Variants in CCDC166 observed in about 807,000 individuals in gnomAD.
The protein encoded by CCDC166 is coiled-coil domain containing 166.
A neutral mutation model predicts 14.4 loss-of-function variants in CCDC166; 17 were observed. That is an observed-to-expected ratio of 1.18 (90% CI 0.81 to 1.77). The LOEUF (loss-of-function observed/expected upper bound fraction) is 1.77. CCDC166 is among the 40% of genes most tolerant of loss of function. CCDC166 has a pLI of 0.00. For missense variants in CCDC166, 738 were observed against 665.8 expected (o/e 1.11, Z -1.19); for synonymous variants, 336 against 330.1 (o/e 1.02, Z -0.20).
Position 143,707,246 on chromosome 8 carries a change from G to A in CCDC166, c.768C>T (p.His256=), listed in dbSNP as rs1418257958. The A allele has an allele frequency of 3.2e-5, 46 of 1,445,806 alleles. No homozygotes were observed. Among genetic ancestry groups the A allele is most frequent in the Non-Finnish European group, 4.1e-5 (45 of 1,104,046 alleles). The allele number at this position is 1,445,806 out of a possible 1,614,324, so 89.6% of individuals were successfully genotyped here. Residue 256 remains histidine, a synonymous_variant, in exon 2 of 2, where the codon CAC becomes CAT. Transcript: ENST00000542437. This position sits in a 1 kb window ranked among gnomAD's most constrained non-coding sequence, Gnocchi z 8.0. ...GGTCCCGCGTGTCCTCGTGCTCGCG[G>A]TGCAGTTGCTCGCGCTGTTCCAGCA... ...RQLLEQREQL[H]REHEDTRDLA...
In CCDC166 at chr8:143,707,089, G is replaced by A; in HGVS notation, c.925C>T (p.Gln309Ter). ...APISPSRAAS[Q>*]TPSVVPSRAA... Reference sequence around the variant, plus strand: ...CGCGACGGTACCACAGACGGGGTCTGGGAGGCCGCGCGCGACGGGCTTATG... The same window carrying A: ...CGCGACGGTACCACAGACGGGGTCTAGGAGGCCGCGCGCGACGGGCTTATG... Residue 309 changes from glutamine (Q) to a stop codon, truncating the protein, a stop_gained, in exon 2 of 2, where the codon CAG becomes TAG. Coordinates refer to ENST00000542437, the MANE Select transcript of CCDC166 (RefSeq NM_001162914.1). LOFTEE classifies it low-confidence loss of function (END_TRUNC). This position sits in a 1 kb window ranked among gnomAD's most constrained non-coding sequence, Gnocchi z 8.0. The A allele has an allele frequency of 4.6e-6, 7 of 1,524,690 alleles. No homozygotes were observed. The highest frequency in any genetic ancestry group is 4.4e-6 in the Non-Finnish European group (5 of 1,142,560). The allele number at this position is 1,524,690 out of a possible 1,614,324, so 94.4% of individuals were successfully genotyped here. A position where few individuals can be genotyped will look rare whatever the true frequency, so the allele number is the denominator to read the frequency against.
chr8:143,707,541 A>T lies in CCDC166; in HGVS notation c.473T>A (p.Ile158Asn). ...KVLQLEQLAR[I>N]RALERELLHM... Reference sequence around the variant, plus strand: ...CAGCAGCTCGCGCTCCAGCGCCCGGATCCGGGCCAGCTGCTCCAGCTGCAG... The same window carrying T: ...CAGCAGCTCGCGCTCCAGCGCCCGGTTCCGGGCCAGCTGCTCCAGCTGCAG... The change falls in exon 2 of 2, where the codon ATC becomes AAC. Residue 158 changes from isoleucine to asparagine, a missense_variant. By Grantham distance (149) the Ile-to-Asn change is moderately radical. Coordinates refer to ENST00000542437, the MANE Select transcript of CCDC166 (RefSeq NM_001162914.1). The surrounding 1 kb of genome is among the most constrained non-coding windows in gnomAD (Gnocchi z 8.0). The T allele has an allele frequency of 7.4e-7, 1 of 1,359,026 alleles. No homozygotes were observed. The highest frequency in any genetic ancestry group is 9.4e-7 in the Non-Finnish European group (1 of 1,059,470). The allele number at this position is 1,359,026 out of a possible 1,614,324, so 84.2% of individuals were successfully genotyped here.
rs1053883373 is a variant in CCDC166 at position 143,706,755 on chromosome 8, G to C, written c.1259C>G (p.Pro420Arg). The C allele has an allele frequency of 2.2e-5, 34 of 1,550,786 alleles. No individual in the cohort carries two copies. Among genetic ancestry groups the C allele is most frequent in the Middle Eastern group, 1.7e-4 (1 of 5,990 alleles). The part of the protein sequence containing the change: ...SRDRDPALLP[P>R]QSEDSVNAEA... ...AGCGTTCACGCTGTCCTCCGACTGTGGGGGGAGAAGAGCCGGATCCCGATC... is the reference window on the plus strand; with the variant it reads ...AGCGTTCACGCTGTCCTCCGACTGTCGGGGGAGAAGAGCCGGATCCCGATC... Residue 420 changes from proline (P) to arginine (R), a missense_variant, in exon 2 of 2, where the codon CCA becomes CGA. Transcript: ENST00000542437.
chr8:143,707,271 A>G lies in CCDC166; in HGVS notation c.743T>C (p.Leu248Pro). The G allele has an allele frequency of 2.1e-6, 3 of 1,450,838 alleles. No individual in the cohort carries two copies. The highest frequency in any genetic ancestry group is 2.6e-5 in the Admixed American group (1 of 37,864). 89.9% of individuals were successfully genotyped at this position (1,450,838 alleles called of 1,614,324 possible). Residue 248 changes from leucine to proline, a missense_variant, in exon 2 of 2, where the codon CTG becomes CCG. Transcript: ENST00000542437. This position sits in a 1 kb window ranked among gnomAD's most constrained non-coding sequence, Gnocchi z 8.0. ...GTGCAGTTGCTCGCGCTGTTCCAGC[A>G]GCTGGCGCCGCGTGTGGTGCAGCAG... is the stretch of plus-strand genomic sequence containing the variant. Reference protein sequence around the residue: ...TQLLHHTRRQLLEQREQLHRE... With the variant: ...TQLLHHTRRQPLEQREQLHRE...
chr8:143,707,620 A>C lies in CCDC166; in HGVS notation c.444+46T>G, dbSNP rs1554616862. ...CCCCCACCCCGCCCCCGGCCCGGCCACCAGCCCCGCCCCGCCTCACCCCGG... is the reference window on the plus strand; with the variant it reads ...CCCCCACCCCGCCCCCGGCCCGGCCCCCAGCCCCGCCCCGCCTCACCCCGG... On this transcript the variant is annotated intron_variant, in intron 1 of 1. Coordinates refer to ENST00000542437, the MANE Select transcript of CCDC166 (RefSeq NM_001162914.1). The surrounding 1 kb of genome is among the most constrained non-coding windows in gnomAD (Gnocchi z 8.0). 3 of 1,328,752 alleles carry C rather than the reference A, an allele frequency of 2.3e-6. No homozygotes were observed. The highest frequency in any genetic ancestry group is 2.9e-6 in the Non-Finnish European group (3 of 1,043,064). 82.3% of individuals were successfully genotyped at this position (1,328,752 alleles called of 1,614,324 possible). A position where few individuals can be genotyped will look rare whatever the true frequency, so the allele number is the denominator to read the frequency against.
In CCDC166 at chr8:143,707,446, A is replaced by G; in HGVS notation, c.568T>C (p.Phe190Leu). Residue 190 changes from phenylalanine to leucine, a missense_variant, in exon 2 of 2, where the codon TTC becomes CTC. Phe to Leu is a conservative substitution (Grantham distance 22). Transcript: ENST00000542437. This position sits in a 1 kb window ranked among gnomAD's most constrained non-coding sequence, Gnocchi z 8.0. ...ACGCGCTGACGCGCCTCGCGCTCGA[A>G]GGCCGCCTTGTCCTCCAGGAAGCGC... is the stretch of plus-strand genomic sequence containing the variant. ...KRRFLEDKAA[F>L]EREARQRVQS... is the part of the protein sequence containing the mutation. The G allele has an allele frequency of 6.8e-7, 1 of 1,476,020 alleles. No individual in the cohort carries two copies. Among genetic ancestry groups the G allele is most frequent in the East Asian group, 2.9e-5 (1 of 33,934 alleles). The allele number at this position is 1,476,020 out of a possible 1,614,324, so 91.4% of individuals were successfully genotyped here. A position where few individuals can be genotyped will look rare whatever the true frequency, so the allele number is the denominator to read the frequency against.
Position 143,707,006 on chromosome 8 carries a change from C to T in CCDC166, c.1008G>A (p.Ser336=), listed in dbSNP as rs937767594. The T allele has an allele frequency of 1.3e-6, 2 of 1,538,076 alleles. No homozygotes were observed. Among genetic ancestry groups the T allele is most frequent in the Non-Finnish European group, 1.7e-6 (2 of 1,146,808 alleles). ...VPSREASRVP[S]LVLSSMDSRV... ...TGGAGTCCATGCTCGATAGCACCAACGAGGGGACCCGGGAAGCCTCGCGCG... is the reference window on the plus strand; with the variant it reads ...TGGAGTCCATGCTCGATAGCACCAATGAGGGGACCCGGGAAGCCTCGCGCG... Residue 336 remains serine, a synonymous_variant, in exon 2 of 2, where the codon TCG becomes TCA. Transcript: ENST00000542437. This position sits in a 1 kb window ranked among gnomAD's most constrained non-coding sequence, Gnocchi z 8.0.
chr8:143,707,489 C>G lies in CCDC166; in HGVS notation c.525G>C (p.Leu175=). Reference sequence around the variant, plus strand: ...GGAAGCGCCGCTTCACGCGGTGGAGCAGCTGCGTGTGCTCCACGCGCATAT... The same window carrying G: ...GGAAGCGCCGCTTCACGCGGTGGAGGAGCTGCGTGTGCTCCACGCGCATAT... The part of the protein sequence containing the change: ...LLHMRVEHTQ[L]LHRVKRRFLE... The change falls in exon 2 of 2, where the codon CTG becomes CTC. Residue 175 remains leucine, a synonymous_variant. Coordinates refer to ENST00000542437, the MANE Select transcript of CCDC166 (RefSeq NM_001162914.1). The surrounding 1 kb of genome is among the most constrained non-coding windows in gnomAD (Gnocchi z 8.0). 1 of 1,463,510 alleles carries G rather than the reference C, an allele frequency of 6.8e-7. No homozygotes were observed. The highest frequency in any genetic ancestry group is 9.0e-7 in the Non-Finnish European group (1 of 1,116,250). The allele number at this position is 1,463,510 out of a possible 1,614,324, so 90.7% of individuals were successfully genotyped here.
At position 143,707,941 on chromosome 8, in the gene CCDC166, G is replaced by A; in HGVS notation, c.169C>T (p.Arg57Ter). The change falls in exon 1 of 2, where the codon CGA becomes TGA. Residue 57 changes from arginine (R) to a stop codon, truncating the protein, a stop_gained. Coordinates refer to ENST00000542437, the MANE Select transcript of CCDC166 (RefSeq NM_001162914.1). LOFTEE classifies it high-confidence loss of function. The surrounding 1 kb of genome is among the most constrained non-coding windows in gnomAD (Gnocchi z 8.0). The stretch of plus-strand genomic sequence containing the variant: ...TCGCGGTCCAGGAAGGCGTTCTCTC[G>A]CAGCACCTGGTCAACGCTCTCCTCG... The part of the protein sequence containing the change: ...TCEESVDQVL[R>*]ENAFLDREAL... The A allele has an allele frequency of 1.3e-6, 2 of 1,537,350 alleles. No individual in the cohort carries two copies. The highest frequency in any genetic ancestry group is 2.4e-5 in the South Asian group (2 of 84,048).
Position 143,706,912 on chromosome 8 carries a change from A to G in CCDC166, c.1102T>C (p.Ser368Pro). The G allele has an allele frequency of 1.3e-6, 2 of 1,550,082 alleles. No individual in the cohort carries two copies. The highest frequency in any genetic ancestry group is 1.7e-6 in the Non-Finnish European group (2 of 1,146,872). Reference sequence around the variant, plus strand: ...GACTGCACCAGCGACAGGGCCCGGGAGCCTGCGCGCGAAGCGGTCAGGGAT... The same window carrying G: ...GACTGCACCAGCGACAGGGCCCGGGGGCCTGCGCGCGAAGCGGTCAGGGAT... ...MPSLTASRAGSRALSLVQSLE... is the reference protein window; with the variant it reads ...MPSLTASRAGPRALSLVQSLE... The change falls in exon 2 of 2, where the codon TCC becomes CCC. Residue 368 changes from serine to proline, a missense_variant. Coordinates refer to ENST00000542437, the MANE Select transcript of CCDC166 (RefSeq NM_001162914.1).
Position 143,707,913 on chromosome 8 carries a change from G to A in CCDC166, c.197C>T (p.Ala66Val). The A allele has an allele frequency of 6.5e-7, 1 of 1,537,592 alleles. No homozygotes were observed. The highest frequency in any genetic ancestry group is 1.2e-5 in the South Asian group (1 of 84,050). The change falls in exon 1 of 2, where the codon GCG becomes GTG. Residue 66 changes from alanine (A) to valine (V), a missense_variant. Physicochemically the swap from Ala to Val is moderately conservative, Grantham distance 64 (BLOSUM62 0). Transcript: ENST00000542437. This position sits in a 1 kb window ranked among gnomAD's most constrained non-coding sequence, Gnocchi z 8.0. ...CCGGTTCTCCTCGCGCAGGCGCAGC[G>A]CCTCGCGGTCCAGGAAGGCGTTCTC... ...LRENAFLDRE[A>V]LRLREENRLY...
rs1554616778 is a variant in CCDC166, at chr8:143,707,311, G to A, written c.703C>T (p.Leu235Phe). The A allele has an allele frequency of 7.1e-7, 1 of 1,414,904 alleles. No individual in the cohort carries two copies. The highest frequency in any genetic ancestry group is 9.2e-7 in the Non-Finnish European group (1 of 1,089,418). 87.6% of individuals were successfully genotyped at this position (1,414,904 alleles called of 1,614,324 possible). The change falls in exon 2 of 2, where the codon CTC (leucine) becomes TTC (phenylalanine). Residue 235 changes from leucine to phenylalanine, a missense_variant. Coordinates refer to ENST00000542437, the MANE Select transcript of CCDC166 (RefSeq NM_001162914.1). The surrounding 1 kb of genome is among the most constrained non-coding windows in gnomAD (Gnocchi z 8.0). ...GRLRQELLLL[L>F]RRTQLLHHTR... The stretch of plus-strand genomic sequence containing the variant: ...TGGTGCAGCAGCTGGGTCCGGCGGA[G>A]CAGCAGCAGCAGCTCCTGCCGCAGG...
In CCDC166 at chr8:143,706,931, C is replaced by G. The variant is rs1817541735; in HGVS notation, c.1083G>C (p.Leu361=). 1 of 1,548,746 alleles carries G rather than the reference C, an allele frequency of 6.5e-7. No homozygotes were observed. The highest frequency in any genetic ancestry group is 1.2e-5 in the South Asian group (1 of 84,064). The stretch of plus-strand genomic sequence containing the variant: ...CCCGGGAGCCTGCGCGCGAAGCGGT[C>G]AGGGATGGCATCCGGGATCCCACCT... ...TSKVGSRMPS[L]TASRAGSRAL... Residue 361 remains leucine (L), a synonymous_variant, in exon 2 of 2, where the codon CTG becomes CTC. Transcript: ENST00000542437.
At position 143,707,340 on chromosome 8, in the gene CCDC166, C is replaced by T. The variant is rs1348665454; in HGVS notation, c.674G>A (p.Gly225Glu). 12 of 1,407,278 alleles carry T rather than the reference C, an allele frequency of 8.5e-6. No homozygotes were observed. Among genetic ancestry groups the T allele is most frequent in the South Asian group, 1.5e-5 (1 of 67,378 alleles). 87.2% of individuals were successfully genotyped at this position (1,407,278 alleles called of 1,614,324 possible). The change falls in exon 2 of 2, where the codon GGA becomes GAA. Residue 225 changes from glycine (G) to glutamate (E), a missense_variant. Coordinates refer to ENST00000542437, the MANE Select transcript of CCDC166 (RefSeq NM_001162914.1). This position sits in a 1 kb window ranked among gnomAD's most constrained non-coding sequence, Gnocchi z 8.0. ...CAGCAGCAGCTCCTGCCGCAGGCGT[C>T]CGTTGTCCGCTTTGATGGCCTGCGT... ...AHTQAIKADN[G>E]RLRQELLLLL...
rs1319312625 is a variant in CCDC166, at chr8:143,707,480, G to T, written c.534C>A (p.Arg178=). 2 of 1,471,300 alleles carry T rather than the reference G, an allele frequency of 1.4e-6. No homozygotes were observed. Among genetic ancestry groups the T allele is most frequent in the African/African-American group, 1.5e-5 (1 of 67,548 alleles). The allele number at this position is 1,471,300 out of a possible 1,614,324, so 91.1% of individuals were successfully genotyped here. A position where few individuals can be genotyped will look rare whatever the true frequency, so the allele number is the denominator to read the frequency against. The change falls in exon 2 of 2, where the codon CGC becomes CGA. Residue 178 remains arginine (R), a synonymous_variant. Coordinates refer to ENST00000542437, the MANE Select transcript of CCDC166 (RefSeq NM_001162914.1). This position sits in a 1 kb window ranked among gnomAD's most constrained non-coding sequence, Gnocchi z 8.0. ...MRVEHTQLLH[R]VKRRFLEDKA... is the part of the protein sequence containing the mutation. ...TGTCCTCCAGGAAGCGCCGCTTCACGCGGTGGAGCAGCTGCGTGTGCTCCA... is the reference window on the plus strand; with the variant it reads ...TGTCCTCCAGGAAGCGCCGCTTCACTCGGTGGAGCAGCTGCGTGTGCTCCA...
chr8:143,707,328 T>C lies in CCDC166; in HGVS notation c.686A>G (p.Gln229Arg), dbSNP rs1229551463. ...CCGGCGGAGCAGCAGCAGCAGCTCC[T>C]GCCGCAGGCGTCCGTTGTCCGCTTT... ...AIKADNGRLR[Q>R]ELLLLLRRTQ... Residue 229 changes from glutamine (Q) to arginine (R), a missense_variant, in exon 2 of 2, where the codon CAG becomes CGG. Physicochemically the swap from Gln to Arg is conservative, Grantham distance 43. Transcript: ENST00000542437. This position sits in a 1 kb window ranked among gnomAD's most constrained non-coding sequence, Gnocchi z 8.0. The C allele has an allele frequency of 5.7e-6, 8 of 1,411,514 alleles. No homozygotes were observed. In the Middle Eastern group the frequency reaches 6.4e-4, roughly 112 times the overall value. The allele number at this position is 1,411,514 out of a possible 1,614,324, so 87.4% of individuals were successfully genotyped here.
Position 143,706,747 on chromosome 8 carries a change from C to T in CCDC166, c.1267G>A (p.Glu423Lys). ...GCAGCTTCAGCGTTCACGCTGTCCT[C>T]CGACTGTGGGGGGAGAAGAGCCGGA... ...RDPALLPPQS[E>K]DSVNAEAAAE... The change falls in exon 2 of 2, where the codon GAG (glutamate) becomes AAG (lysine). Residue 423 changes from glutamate (E) to lysine (K), a missense_variant. Coordinates refer to ENST00000542437, the MANE Select transcript of CCDC166 (RefSeq NM_001162914.1). 1.3e-6 allele frequency: 2 copies of T among 1,550,692 alleles called. No individual in the cohort carries two copies. The highest frequency in any genetic ancestry group is 1.7e-6 in the Non-Finnish European group (2 of 1,146,866).
At position 143,707,083 on chromosome 8, in the gene CCDC166, G is replaced by T. The variant is rs1554616706; in HGVS notation, c.931C>A (p.Pro311Thr). The change falls in exon 2 of 2, where the codon CCG (proline) becomes ACG (threonine). Residue 311 changes from proline to threonine, a missense_variant. Coordinates refer to ENST00000542437, the MANE Select transcript of CCDC166 (RefSeq NM_001162914.1). The surrounding 1 kb of genome is among the most constrained non-coding windows in gnomAD (Gnocchi z 8.0). Reference sequence around the variant, plus strand: ...GCCGCGCGCGACGGTACCACAGACGGGGTCTGGGAGGCCGCGCGCGACGGG... The same window carrying T: ...GCCGCGCGCGACGGTACCACAGACGTGGTCTGGGAGGCCGCGCGCGACGGG... The part of the protein sequence containing the change: ...ISPSRAASQT[P>T]SVVPSRAAPR... The T allele has an allele frequency of 1.3e-6, 2 of 1,525,424 alleles. No homozygotes were observed. The highest frequency in any genetic ancestry group is 1.8e-6 in the Non-Finnish European group (2 of 1,142,850). The allele number at this position is 1,525,424 out of a possible 1,614,324, so 94.5% of individuals were successfully genotyped here. A position where few individuals can be genotyped will look rare whatever the true frequency, so the allele number is the denominator to read the frequency against.
Position 143,707,150 on chromosome 8 carries a change from G to C in CCDC166, c.864C>G (p.Ser288=). The C allele has an allele frequency of 5.6e-6, 8 of 1,419,594 alleles. No homozygotes were observed. The highest frequency in any genetic ancestry group is 7.3e-6 in the Non-Finnish European group (8 of 1,097,304). The allele number at this position is 1,419,594 out of a possible 1,614,324, so 87.9% of individuals were successfully genotyped here. A position where few individuals can be genotyped will look rare whatever the true frequency, so the allele number is the denominator to read the frequency against. ...ATGACCCGGGGCGCGAGGTGGGCTG[G>C]GAGAAGGCCGGCCGCTCCCAGAGCG... ...GPPLWERPAF[S]QPTSRPGSLA... is the part of the protein sequence containing the mutation. The change falls in exon 2 of 2, where the codon TCC becomes TCG. Residue 288 remains serine, a synonymous_variant. Transcript: ENST00000542437. This position sits in a 1 kb window ranked among gnomAD's most constrained non-coding sequence, Gnocchi z 8.0.
Sources: gnomAD v4.1 joint callset for allele counts on GRCh38, gnomAD v4.1.1 for gene constraint, Gnocchi (gnomAD v3.1) non-coding constraint, MANE v1.5 for transcripts, NCBI Gene and HGNC (gene_info 2026-07-23, HGNC 2026-07-21) for gene names.